The following PFKFB2 variants were observed in gnomAD, a reference collection of about 807,000 sequenced individuals.
The protein encoded by PFKFB2 is 6-phosphofructo-2-kinase/fructose-2,6-bisphosphatase 2.
Under a neutral mutation model 68.0 loss-of-function variants are expected in PFKFB2, and 53 were observed. The ratio of observed to expected loss-of-function variants is 0.78; its 90% CI spans 0.63 to 0.98. The LOEUF is 0.98. PFKFB2 is among the 50% of genes least tolerant of loss of function. The pLI is 0.00. For missense variants in PFKFB2, 451 were observed against 642.0 expected, an observed-to-expected ratio of 0.70 and a Z score of 3.22; for synonymous variants, 222 against 227.6, an observed-to-expected ratio of 0.98 and a Z score of 0.22.
rs1683612272 is a variant in PFKFB2, at chr1:207,076,012, C to T, written c.*3641C>T. 1.0e-6 allele frequency: 1 copy of T among 985,276 alleles called. No homozygotes were observed. The highest frequency in any genetic ancestry group is 1.2e-6 in the Non-Finnish European group (1 of 829,942). 61.0% of individuals were successfully genotyped at this position (985,276 alleles called of 1,614,324 possible). A position where few individuals can be genotyped will look rare whatever the true frequency, so the allele number is the denominator to read the frequency against. The stretch of plus-strand genomic sequence containing the variant: ...TAAAAACTTGCATTGTGCTAGGGAT[C>T]TGCCCTATATCTTTGCCTCTGGTGT... On this transcript the variant is annotated 3_prime_UTR_variant, in exon 15 of 15. Transcript: ENST00000367080.
intron 2 of PFKFB2, among the ~76,000 whole-genome samples, chr1:207,057,537 AT>A (rs796743534): frequency 3.5e-4 from 51 of 146,388 alleles, no homozygotes; most frequent in East Asian, 1.2e-3. Flanking sequence ...TTTCTTTTTA[AT>A]TTTTTTTTTT....
At position 207,063,566 on chromosome 1, in the gene PFKFB2, G is replaced by T; in HGVS notation, c.450+145G>T. ...CAGAGCATTCCCCCAGTCCTTGAGT[G>T]TTTTCATTCAGGTCCTTTCTCAGAC... is the stretch of plus-strand genomic sequence containing the variant. On this transcript the variant is annotated intron_variant, in intron 6 of 14. Coordinates refer to ENST00000367080, the MANE Select transcript of PFKFB2 (RefSeq NM_006212.2). The surrounding 1 kb of genome is among the most constrained non-coding windows in gnomAD (Gnocchi z 4.1). 1.3e-6 allele frequency: 1 copy of T among 755,646 alleles called. No homozygotes were observed. Among genetic ancestry groups the T allele is most frequent in the East Asian group, 2.6e-5 (1 of 38,878 alleles). The allele number at this position is 755,646 out of a possible 1,614,324, so 46.8% of individuals were successfully genotyped here.
chr1:207,052,096 G>T, upstream of PFKFB2: 1 of 1,100,754 alleles, frequency 9.1e-7, no homozygotes, highest in South Asian at 1.3e-5. Flanking sequence ...CAGACAGCAA[G>T]TCCCACTTGC....
Position 207,067,699 on chromosome 1 carries a change from G to GAAAGCAGGTGAGTA in PFKFB2, c.835_840+8dup. Reference sequence around the variant, plus strand: ...GGTGACTCTGGCCTCTCGGTGCGGGGAAAGCAGGTGAGTAATTATTCAGCA... The same window carrying GAAAGCAGGTGAGTA: ...GGTGACTCTGGCCTCTCGGTGCGGGGAAAGCAGGTGAGTAAAAGCAGGTGAGTAATTATTCAGCA... On this transcript the variant is annotated frameshift_variant, in exon 9 of 15. Transcript: ENST00000367080. LOFTEE classifies it high-confidence loss of function. 1 of 1,612,364 alleles carries GAAAGCAGGTGAGTA rather than the reference G, an allele frequency of 6.2e-7. No individual in the cohort carries two copies. Among genetic ancestry groups the GAAAGCAGGTGAGTA allele is most frequent in the Non-Finnish European group, 8.5e-7 (1 of 1,178,652 alleles).
chr1:207,039,213 G>A (rs1682434981), intron 1 of PFKFB2, among the ~76,000 whole-genome samples: 1 of 152,122 alleles, frequency 6.6e-6, no homozygotes, highest in African/African-American at 2.4e-5. Context: ...ATTGATCAAT[G>A]TACTCCATAA....
Position 207,063,915 on chromosome 1 carries a change from G to T in PFKFB2, c.507+86G>T, listed in dbSNP as rs970891681. The T allele has an allele frequency of 1.0e-6, 1 of 978,326 alleles. No homozygotes were observed. The highest frequency in any genetic ancestry group is 1.6e-6 in the Non-Finnish European group (1 of 611,202). 60.6% of individuals were successfully genotyped at this position (978,326 alleles called of 1,614,324 possible). A position where few individuals can be genotyped will look rare whatever the true frequency, so the allele number is the denominator to read the frequency against. ...TGTGTGTGTGTGTGTGTGTGTGTGTGTTGTTGGGGAGGGGTGTTTTCGTAA... is the reference window on the plus strand; with the variant it reads ...TGTGTGTGTGTGTGTGTGTGTGTGTTTTGTTGGGGAGGGGTGTTTTCGTAA... On this transcript the variant is annotated intron_variant, in intron 7 of 14. Coordinates refer to ENST00000367080, the MANE Select transcript of PFKFB2 (RefSeq NM_006212.2). This position sits in a 1 kb window ranked among gnomAD's most constrained non-coding sequence, Gnocchi z 4.1.
chr1:207,079,969 T>C (rs1683722749), downstream of PFKFB2: 1 of 152,272 alleles, frequency 6.6e-6, no homozygotes, highest in Admixed American at 6.5e-5. Flanking sequence ...TGGAGGGCAG[T>C]AGTCTCCTGA....
chr1:207,072,095 A>G (rs1683481648), intron 14 of PFKFB2, 109 bp from the exon 15 acceptor site: 1 of 1,525,330 alleles, frequency 6.6e-7, no homozygotes, highest in East Asian at 2.3e-5. Flanking sequence ...CTGTGTGCAG[A>G]GGAGCAGGAG....
upstream of PFKFB2, chr1:207,051,094 T>G: frequency 9.0e-6 from 13 of 1,437,994 alleles, no homozygotes; most frequent in South Asian, 1.5e-5. Flanking sequence ...CCTTAGTACC[T>G]TAGCAAGCGC....
intron 2 of PFKFB2, among the ~76,000 whole-genome samples, chr1:207,042,661 G>A (rs1682504223): frequency 6.7e-6 from 1 of 149,834 alleles, no homozygotes; most frequent in Non-Finnish European, 1.5e-5. Context: ...TACTCTATTC[G>A]GATCAGAATT....
intron 9 of PFKFB2, among the ~76,000 whole-genome samples, 189 bp downstream of exon 9, chr1:207,067,895 C>T (rs144906173): frequency 9.5e-4 from 144 of 152,274 alleles, no homozygotes; most frequent in Admixed American, 7.4e-3. Flanking sequence ...ATAACTTTGA[C>T]CCATTTCTGC....
rs74148954 is a variant in PFKFB2, at chr1:207,040,333, C to G, written c.-61-1836C>G. Among the ~76,000 whole-genome samples the G allele has an allele frequency of 2.1e-3, 318 of 152,274 alleles. 3 individuals carry two copies. The highest frequency in any genetic ancestry group is 6.9e-3 in the African/African-American group (285 of 41,556). On this transcript the variant is annotated intron_variant, in intron 1 of 5. Coordinates refer to the PFKFB2 transcript ENST00000545806. ...CATGGCCAAGTCATTATGACATCTG[C>G]TCCAATACCTCAAGATTCACTAATG...
intron 1 of PFKFB2, among the ~76,000 whole-genome samples, chr1:207,053,737 T>C (rs1682825089): frequency 6.6e-6 from 1 of 151,502 alleles, no homozygotes; most frequent in Admixed American, 6.6e-5. Context: ...GTCCCGGGGG[T>C]AACTAGGGAG....
intron 2 of PFKFB2, among the ~76,000 whole-genome samples, chr1:207,055,641 T>TTTTATA (rs1491305182): frequency 1.1e-3 from 167 of 147,674 alleles, no homozygotes; most frequent in African/African-American, 3.7e-3. Flanking sequence ...ACTTCAGTGG[T>TTTTATA]TATATATATA....
rs57077682 is a variant in PFKFB2, at chr1:207,042,549, CAAAAAAAAAAAAAAAAAAAA to C, written c.-18+350_-18+369del. ...GGCGACACAGCAACACTCTGTCTCA[CAAAAAAAAAAAAAAAAAAAA>C]AAAAAAAAAAAAGACTATTGCTTCC... On this transcript the variant is annotated intron_variant, in intron 2 of 5. Transcript: ENST00000545806. Among the ~76,000 whole-genome samples the C allele has an allele frequency of 1.4e-3, 63 of 44,722 alleles. 1 individual carries two copies. Among genetic ancestry groups the C allele is most frequent in the African/African-American group, 4.4e-3 (59 of 13,472 alleles). The allele number at this position is 44,722 out of a possible 152,430, so 29.3% of individuals were successfully genotyped here. A position where few individuals can be genotyped will look rare whatever the true frequency, so the allele number is the denominator to read the frequency against.
chr1:207,073,504 A>G lies in PFKFB2; in HGVS notation c.*1133A>G, dbSNP rs1683528781. 1.0e-6 allele frequency: 1 copy of G among 985,268 alleles called. No individual in the cohort carries two copies. Among genetic ancestry groups the G allele is most frequent in the Admixed American group, 6.1e-5 (1 of 16,276 alleles). The allele number at this position is 985,268 out of a possible 1,614,324, so 61.0% of individuals were successfully genotyped here. A position where few individuals can be genotyped will look rare whatever the true frequency, so the allele number is the denominator to read the frequency against. ...TGAATAATTTCAGCACACTGTCCTT[A>G]AGAAGAAAGAAACATCAAAACAAAA... is the stretch of plus-strand genomic sequence containing the variant. On this transcript the variant is annotated 3_prime_UTR_variant, in exon 15 of 15. Coordinates refer to ENST00000367080, the MANE Select transcript of PFKFB2 (RefSeq NM_006212.2).
intron 2 of PFKFB2, among the ~76,000 whole-genome samples, chr1:207,043,084 G>A (rs532035745): frequency 1.3e-5 from 2 of 151,660 alleles, no homozygotes; most frequent in East Asian, 3.9e-4. Flanking sequence ...TTGATTGTTG[G>A]GTCTCACCAA....
intron 1 of PFKFB2, among the ~76,000 whole-genome samples, chr1:207,040,924 T>C (rs1336211385): frequency 3.5e-5 from 1 of 28,790 alleles, no homozygotes; most frequent in Non-Finnish European, 6.5e-5. Flanking sequence ...TTAAAACAGA[T>C]TTTTTTTTTT....
Position 207,063,636 on chromosome 1 carries a change from T to C in PFKFB2, c.451-137T>C. 1.2e-6 allele frequency: 1 copy of C among 813,898 alleles called. No homozygotes were observed. The highest frequency in any genetic ancestry group is 1.7e-5 in the Admixed American group (1 of 57,384). The allele number at this position is 813,898 out of a possible 1,614,324, so 50.4% of individuals were successfully genotyped here. ...GGCCCAGGGGCTGTGGTAAGAGCTA[T>C]GAGGAGGACTTGAGGGCCACTTTCA... On this transcript the variant is annotated intron_variant, in intron 6 of 14. Coordinates refer to ENST00000367080, the MANE Select transcript of PFKFB2 (RefSeq NM_006212.2). The surrounding 1 kb of genome is among the most constrained non-coding windows in gnomAD (Gnocchi z 4.1).
Sources: gnomAD v4.1 joint callset for allele counts (sites outside exome capture counted in the v4.1 genomes callset) on GRCh38, gnomAD v4.1.1 for gene constraint, Gnocchi (gnomAD v3.1) non-coding constraint, MANE v1.5 for transcripts, NCBI Gene and HGNC (gene_info 2026-07-23, HGNC 2026-07-21) for gene names.